The following ANO1 variants were observed in gnomAD, a reference collection of about 807,000 sequenced individuals.
ANO1 encodes anoctamin 1.
Under a neutral mutation model 124.0 loss-of-function variants are expected in ANO1, and 59 were observed. The observed-to-expected ratio is 0.48, with a 90% CI of 0.39 to 0.59. ANO1 has a LOEUF of 0.59. Ranked by LOEUF, ANO1 falls within the 20% of genes least tolerant of loss-of-function variation. The pLI is 0.00. For synonymous variants in ANO1, 529 were observed against 532.0 expected, an observed-to-expected ratio of 0.99 and a Z score of 0.08; for missense variants, 1,059 against 1,328.0, an observed-to-expected ratio of 0.80 and a Z score of 3.15.
intron 25 of ANO1, among the ~76,000 whole-genome samples, 174 bp downstream of exon 25, chr11:70,185,869 C>T (rs1407755116): frequency 6.6e-6 from 1 of 152,120 alleles, no homozygotes; most frequent in Non-Finnish European, 1.5e-5. Flanking sequence ...ACCCCAGGCC[C>T]CCTGCACTGA....
intron 1 of ANO1, among the ~76,000 whole-genome samples, chr11:70,080,355 C>T (rs534590093): frequency 3.9e-5 from 6 of 152,356 alleles, no homozygotes; most frequent in African/African-American, 1.4e-4. Context: ...GAAGAATAAA[C>T]ATTCTGGAGA....
At chr11:70,049,692 T>TTTTG (rs138005685) in intron 1 of ANO1, among the ~76,000 whole-genome samples, 10,143 of 151,354 alleles carry the variant, frequency 0.067, 449 homozygotes, top group Admixed American at 0.13. Flanking sequence ...GTCTATGTTT[T>TTTTG]TTTGTTTGTT....
chr11:70,076,963 G>GCCCAGGAGGCTCTGAGT (rs2044067855), upstream of ANO1, among the ~76,000 whole-genome samples: 1 of 152,144 alleles, frequency 6.6e-6, no homozygotes, highest in Non-Finnish European at 1.5e-5. Flanking sequence ...AGGCTCTGAG[G>GCCCAGGAGGCTCTGAGT]CCCAGGAGGC....
intron 1 of ANO1, among the ~76,000 whole-genome samples, chr11:70,044,578 T>C (rs555632381): frequency 6.6e-6 from 1 of 152,236 alleles, no homozygotes; most frequent in South Asian, 2.1e-4. Flanking sequence ...AAGTTATTAT[T>C]TACAATAGAA....
intron 1 of ANO1, among the ~76,000 whole-genome samples, chr11:70,017,660 G>T (rs1856726784): frequency 6.6e-6 from 1 of 151,692 alleles, no homozygotes. Flanking sequence ...GATTACGGGT[G>T]TGCACCACCA....
At chr11:70,030,152 T>C (rs782252689) in intron 1 of ANO1, among the ~76,000 whole-genome samples, 5 of 152,198 alleles carry the variant, frequency 3.3e-5, no homozygotes, top group Non-Finnish European at 5.9e-5. Context: ...CGAAAGTTGC[T>C]CAGTCTCCAA....
At position 70,120,929 on chromosome 11, in the gene ANO1, G is replaced by T. The variant is rs376647282; in HGVS notation, c.898-3421G>T. Among the ~76,000 whole-genome samples the T allele has an allele frequency of 1.8e-4, 28 of 152,290 alleles. No homozygotes were observed. In the East Asian group the frequency reaches 3.5e-3, roughly 19 times the overall value. On this transcript the variant is annotated intron_variant, in intron 8 of 25. Transcript: ENST00000355303. ...GACGCCCCCCTGCCTGCTCACCGGGGCTAAGGTGCCACCTTGGATTCCTTC... is the reference window on the plus strand; with the variant it reads ...GACGCCCCCCTGCCTGCTCACCGGGTCTAAGGTGCCACCTTGGATTCCTTC...
chr11:70,049,007 G>A (rs115736446), intron 1 of ANO1, among the ~76,000 whole-genome samples: 4,310 of 152,154 alleles, frequency 0.028, 216 homozygotes, highest in African/African-American at 0.099. Context: ...AGCAGGATGC[G>A]TTTTCTTCCT....
upstream of ANO1, among the ~76,000 whole-genome samples, chr11:70,077,106 G>A (rs2044071115): frequency 6.6e-6 from 1 of 152,300 alleles, no homozygotes. Flanking sequence ...GCACGCTGAC[G>A]ACATCGTGGC....
intron 11 of ANO1, among the ~76,000 whole-genome samples, chr11:70,144,471 G>A (rs1214971455): frequency 6.6e-6 from 1 of 152,254 alleles, no homozygotes; most frequent in African/African-American, 2.4e-5. Context: ...TGGCAGCAGT[G>A]TGGTCAGCTG....
intron 1 of ANO1, among the ~76,000 whole-genome samples, chr11:70,048,196 T>C (rs1555005897): frequency 6.6e-6 from 1 of 152,228 alleles, no homozygotes; most frequent in Non-Finnish European, 1.5e-5. Context: ...CCCTGAACTT[T>C]TAGATAAACA....
In ANO1 at chr11:70,078,709, G is replaced by A; in HGVS notation, c.103G>A (p.Gly35Ser). 1 of 1,480,888 alleles carries A rather than the reference G, an allele frequency of 6.8e-7. No individual in the cohort carries two copies. Among genetic ancestry groups the A allele is most frequent in the South Asian group, 1.2e-5 (1 of 84,112 alleles). The allele number at this position is 1,480,888 out of a possible 1,614,324, so 91.7% of individuals were successfully genotyped here. ...IEDIGYLPSEGTLLNSLSVDP... is the reference protein window; with the variant it reads ...IEDIGYLPSESTLLNSLSVDP... ...GGACATCGGCTACCTGCCGTCCGAG[G>A]GCACGGTGAGTGCGGGCGGCCGCGA... The change falls in exon 1 of 26, where the codon GGC becomes AGC. Residue 35 changes from glycine (G) to serine (S), a missense_variant. By Grantham distance (56) the Gly-to-Ser change is moderately conservative. This residue lies in a region of ANO1 where 250 missense variants were observed against 233.1 expected (regional missense o/e 1.07). Coordinates refer to ENST00000355303, the MANE Select transcript of ANO1 (RefSeq NM_018043.7).
rs555299461 is a variant in ANO1 at position 70,173,937 on chromosome 11, T to C, written c.2350+2898T>C. ...ATGCAAATTTTTGTTGTGGCAGTTT[T>C]AATTTTTTTTTTTTTTGAGATGGGG... is the stretch of plus-strand genomic sequence containing the variant. On this transcript the variant is annotated intron_variant, in intron 22 of 25. Coordinates refer to ENST00000355303, the MANE Select transcript of ANO1 (RefSeq NM_018043.7). Among the ~76,000 whole-genome samples, 4 of 147,266 alleles carry C rather than the reference T, an allele frequency of 2.7e-5. No individual in the cohort carries two copies. In the South Asian group the frequency reaches 8.5e-4, roughly 31 times the overall value.
chr11:70,110,351 T>C (rs2045723826), intron 6 of ANO1, among the ~76,000 whole-genome samples: 1 of 152,026 alleles, frequency 6.6e-6, no homozygotes, highest in Non-Finnish European at 1.5e-5. Flanking sequence ...CACGCCTGGC[T>C]AATTGTTTGT....
intron 2 of ANO1, among the ~76,000 whole-genome samples, chr11:70,093,236 T>G (rs1444765407): frequency 2.0e-5 from 3 of 147,300 alleles, no homozygotes; most frequent in Non-Finnish European, 4.5e-5. Flanking sequence ...CACCTCCCTC[T>G]TTTTCACTCT....
At chr11:70,080,783 G>A (rs548696056) in intron 1 of ANO1, among the ~76,000 whole-genome samples, 2 of 152,320 alleles carry the variant, frequency 1.3e-5, no homozygotes, top group East Asian at 1.9e-4. Context: ...AATCAGAGGC[G>A]CGCGCTGTGG....
chr11:70,022,578 C>T (rs373340438), intron 1 of ANO1, among the ~76,000 whole-genome samples: 24 of 151,446 alleles, frequency 1.6e-4, no homozygotes, highest in African/African-American at 5.8e-4. Context: ...TGTACTCCAG[C>T]CTTGGCAACA....
chr11:70,148,323 G>A (rs112398895), intron 11 of ANO1, among the ~76,000 whole-genome samples: 3,475 of 152,180 alleles, frequency 0.023, 156 homozygotes, highest in African/African-American at 0.078. Flanking sequence ...TATGATCACC[G>A]TGAGGCTTAA....
chr11:70,124,673 C>T (rs576604595), intron 9 of ANO1, among the ~76,000 whole-genome samples: 1 of 152,316 alleles, frequency 6.6e-6, no homozygotes, highest in Non-Finnish European at 1.5e-5. Context: ...ACTGCCTGGC[C>T]TGGCCTCACT....
Sources: gnomAD v4.1 joint callset for allele counts (sites outside exome capture counted in the v4.1 genomes callset) on GRCh38, gnomAD v4.1.1 for gene constraint, gnomAD v4.1.1 regional missense constraint, MANE v1.5 for transcripts, NCBI Gene and HGNC (gene_info 2026-07-23, HGNC 2026-07-21) for gene names.